Variants in CHD9 observed in about 807,000 individuals in gnomAD.
CHD9 encodes chromodomain helicase DNA binding protein 9.
A neutral mutation model predicts 316.1 loss-of-function variants in CHD9; 77 were observed. The observed-to-expected ratio is 0.24, with a 90% CI of 0.20 to 0.29. The LOEUF (loss-of-function observed/expected upper bound fraction) is 0.29. CHD9 is among the 10% of genes least tolerant of loss of function. The probability of loss-of-function intolerance (pLI) is 1.00; values close to 1 mark genes in which losing one functional copy is unlikely to be tolerated. For missense variants in CHD9, 2,763 were observed against 3,438.1 expected (o/e 0.80, Z 4.91); for synonymous variants, 1,129 against 1,158.3 (o/e 0.97, Z 0.51).
chr16:53,250,126 T>A, intron 17 of CHD9, 60 bp downstream of exon 17: 1 of 1,184,796 alleles, frequency 8.4e-7, no homozygotes, highest in Non-Finnish European at 1.2e-6. Context: ...ATTGTGTAAC[T>A]TTTTGGTAAT....
chr16:53,067,742 T>C (rs1409243978), intron 1 of CHD9, among the ~76,000 whole-genome samples: 3 of 152,214 alleles, frequency 2.0e-5, no homozygotes, highest in Admixed American at 2.0e-4. Flanking sequence ...TATTACCAGG[T>C]GGCTAAGGTA....
chr16:53,219,995 C>CT (rs1231880286), intron 3 of CHD9, among the ~76,000 whole-genome samples: 1 of 151,906 alleles, frequency 6.6e-6, no homozygotes, highest in Non-Finnish European at 1.5e-5. Context: ...ACTTTGGATA[C>CT]AAAGGAGGAA....
At chr16:53,164,125 T>G (rs1219119817) in intron 2 of CHD9, among the ~76,000 whole-genome samples, 1 of 152,244 alleles carries the variant, frequency 6.6e-6, no homozygotes, top group Admixed American at 6.5e-5. Context: ...AATAATGTAC[T>G]AAATGATTTC....
intron 2 of CHD9, among the ~76,000 whole-genome samples, chr16:53,200,390 A>AT (rs1555507096): frequency 7.0e-6 from 1 of 143,338 alleles, no homozygotes; most frequent in African/African-American, 2.6e-5. Context: ...AAAAAAAAAA[A>AT]CCACAAAAAT....
chr16:53,277,659 G>T (rs1466381478), intron 24 of CHD9, among the ~76,000 whole-genome samples: 1 of 152,030 alleles, frequency 6.6e-6, no homozygotes, highest in Non-Finnish European at 1.5e-5. Context: ...CATAATACTG[G>T]ATTGGAGAAA....
chr16:53,158,760 C>T (rs1419795495), intron 2 of CHD9, among the ~76,000 whole-genome samples: 2 of 152,044 alleles, frequency 1.3e-5, no homozygotes, highest in Non-Finnish European at 2.9e-5. Flanking sequence ...GCCTCAGCCT[C>T]CTGGGTAGCT....
In CHD9 at chr16:53,231,432, C is replaced by T. The variant is rs1448212111; in HGVS notation, c.2300C>T (p.Pro767Leu). Residue 767 changes from proline (P) to leucine (L), a missense_variant, in exon 9 of 39, where the codon CCA (proline) becomes CTA (leucine). Physicochemically the swap from Pro to Leu is moderately conservative, Grantham distance 98. Around this residue, in one of 15 missense-constraint regions of CHD9, gnomAD observed 186 missense variants for 245.0 expected, o/e 0.76. Coordinates refer to ENST00000447540, the MANE Select transcript of CHD9 (RefSeq NM_001308319.2). The part of the protein sequence containing the change: ...AHFFADMEEE[P>L]FNPDYVEVDR... ...TTTTAATTTTAGATGGAAGAAGAACCATTTAACCCAGACTACGTTGAAGTA... is the reference window on the plus strand; with the variant it reads ...TTTTAATTTTAGATGGAAGAAGAACTATTTAACCCAGACTACGTTGAAGTA... 1.3e-6 allele frequency: 2 copies of T among 1,587,392 alleles called. No individual in the cohort carries two copies. Among genetic ancestry groups the T allele is most frequent in the East Asian group, 4.5e-5 (2 of 44,582 alleles).
rs745614911 is a variant in CHD9 at position 53,318,303 on chromosome 16, A to T, written c.7676A>T (p.Glu2559Val). Residue 2559 changes from glutamate to valine, a missense_variant, in exon 37 of 39, where the codon GAA (glutamate) becomes GTA (valine). Around this residue, in one of 15 missense-constraint regions of CHD9, gnomAD observed 19 missense variants for 44.5 expected, o/e 0.43. Coordinates refer to ENST00000447540, the MANE Select transcript of CHD9 (RefSeq NM_001308319.2). ...KLDVNSLTGE[E>V]RVQLINRRNA... The stretch of plus-strand genomic sequence containing the variant: ...GATGTGAATAGTCTCACTGGAGAAG[A>T]ACGTGTTCAACTGATTAACAGAAGA... The T allele has an allele frequency of 6.2e-7, 1 of 1,608,788 alleles. No homozygotes were observed. Among genetic ancestry groups the T allele is most frequent in the Non-Finnish European group, 8.5e-7 (1 of 1,178,306 alleles).
chr16:53,110,794 A>G (rs576048466), intron 1 of CHD9, among the ~76,000 whole-genome samples: 1 of 152,304 alleles, frequency 6.6e-6, no homozygotes, highest in African/African-American at 2.4e-5. Context: ...TTTTTTTAAA[A>G]CCAAAATATT....
At chr16:53,072,355 T>G (rs1035870004) in intron 1 of CHD9, among the ~76,000 whole-genome samples, 1 of 151,494 alleles carries the variant, frequency 6.6e-6, no homozygotes, top group Admixed American at 6.6e-5. Flanking sequence ...CCCTGCAATA[T>G]TTTTTTCCAA....
chr16:53,213,151 A>C (rs1403180947), intron 3 of CHD9, among the ~76,000 whole-genome samples: 1 of 152,212 alleles, frequency 6.6e-6, no homozygotes, highest in Non-Finnish European at 1.5e-5. Context: ...ATTAATGGCT[A>C]TTTTGACATG....
intron 1 of CHD9, among the ~76,000 whole-genome samples, chr16:53,069,851 C>G (rs1023843705): frequency 1.3e-5 from 2 of 152,140 alleles, no homozygotes; most frequent in Non-Finnish European, 2.9e-5. Context: ...TACATCCCAC[C>G]AACAATGCAC....
intron 2 of CHD9, among the ~76,000 whole-genome samples, chr16:53,199,289 TAAC>T: frequency 6.6e-6 from 1 of 152,290 alleles, no homozygotes; most frequent in Admixed American, 6.5e-5. Context: ...TGAAACCACT[TAAC>T]AACTCTATAT....
At chr16:53,147,078 C>T (rs752728671) in intron 1 of CHD9, among the ~76,000 whole-genome samples, 12 of 151,888 alleles carry the variant, frequency 7.9e-5, no homozygotes, top group Non-Finnish European at 1.6e-4. Flanking sequence ...AAATTACTGA[C>T]TTAAATTTTA....
Position 53,229,067 on chromosome 16 carries a change from G to A in CHD9, c.2253G>A (p.Leu751=). The A allele has an allele frequency of 6.3e-7, 1 of 1,591,410 alleles. No individual in the cohort carries two copies. Among genetic ancestry groups the A allele is most frequent in the East Asian group, 2.3e-5 (1 of 44,164 alleles). The change falls in exon 8 of 39, where the codon TTG becomes TTA. Residue 751 remains leucine, a synonymous_variant. Transcript: ENST00000447540. The part of the protein sequence containing the change: ...RIQQKIKRFK[L]RQAQRAHFFA... ...AGCAGAAAATCAAACGATTCAAATT[G>A]AGACAAGCACAAAGAGCACATTTTT... is the stretch of plus-strand genomic sequence containing the variant.
rs2049706834 is a variant in CHD9 at position 53,247,153 on chromosome 16, T to C, written c.3455-140T>C. The C allele has an allele frequency of 1.1e-5, 7 of 630,928 alleles. No individual in the cohort carries two copies. The South Asian group carries it at 1.2e-4, about 11-fold the overall frequency. The allele number at this position is 630,928 out of a possible 1,614,324, so 39.1% of individuals were successfully genotyped here. ...GAGGTTCAGCAACAAGCTTAAATAATTCTAATAAAAGCAATGTACATGCCA... is the reference window on the plus strand; with the variant it reads ...GAGGTTCAGCAACAAGCTTAAATAACTCTAATAAAAGCAATGTACATGCCA... On this transcript the variant is annotated intron_variant, in intron 15 of 38. Transcript: ENST00000447540.
chr16:53,248,532 T>G (rs532494868), intron 16 of CHD9, among the ~76,000 whole-genome samples: 27 of 146,856 alleles, frequency 1.8e-4, no homozygotes, highest in East Asian at 1.2e-3. Context: ...TTTTGTTTTT[T>G]TTTTTTTTTT....
At chr16:53,315,934 A>C (rs987788791) in intron 36 of CHD9, among the ~76,000 whole-genome samples, 3 of 152,118 alleles carry the variant, frequency 2.0e-5, no homozygotes, top group African/African-American at 7.2e-5. Context: ...CCAGATGCAC[A>C]ATGAGTTTAT....
intron 12 of CHD9, among the ~76,000 whole-genome samples, chr16:53,241,033 C>A (rs1050800685): frequency 2.6e-5 from 4 of 151,946 alleles, no homozygotes; most frequent in Non-Finnish European, 5.9e-5. Context: ...TGTATAAATG[C>A]CAGAGATTTA....
Sources: allele counts gnomAD v4.1 joint callset (sites outside exome capture counted in the v4.1 genomes callset), GRCh38; gene constraint gnomAD v4.1.1; regional missense constraint gnomAD v4.1.1; transcripts MANE v1.5; gene names NCBI Gene and HGNC (gene_info 2026-07-23, HGNC 2026-07-21).